Variants in CEP83 observed in about 807,000 individuals in gnomAD.
CEP83 encodes centrosomal protein of 83 kDa.
CEP83 carries 70 observed loss-of-function variants against 101.9 expected under a neutral mutation model. The observed-to-expected ratio is 0.69, with a 90% CI of 0.57 to 0.84. The LOEUF (loss-of-function observed/expected upper bound fraction) is 0.84. Ranked by LOEUF, CEP83 falls within the 40% of genes least tolerant of loss-of-function variation. The probability of loss-of-function intolerance (pLI) is 0.00; values close to 1 mark genes in which losing one functional copy is unlikely to be tolerated. For synonymous variants in CEP83, 264 were observed against 267.9 expected (o/e 0.99, Z 0.14); for missense variants, 715 against 787.2 (o/e 0.91, Z 1.10).
At chr12:94,331,217 G>A (rs1260695350) in intron 14 of CEP83, among the ~76,000 whole-genome samples, 5 of 140,914 alleles carry the variant, frequency 3.5e-5, no homozygotes, top group Non-Finnish European at 7.6e-5. Flanking sequence ...CTTGAACCCA[G>A]GGGATGGAGG....
intron 11 of CEP83, among the ~76,000 whole-genome samples, chr12:94,351,578 T>C (rs1376161369): frequency 1.3e-5 from 2 of 152,044 alleles, no homozygotes; most frequent in African/African-American, 4.8e-5. Context: ...ATAGTAGACC[T>C]AAAGGAACAA....
rs146530326 is a variant in CEP83 at position 94,385,308 on chromosome 12, G to A, written c.550-6266C>T. Among the ~76,000 whole-genome samples the A allele has an allele frequency of 7.2e-5, 11 of 152,188 alleles. No homozygotes were observed. The East Asian group carries it at 1.2e-3, about 16-fold the overall frequency. Reference sequence around the variant, plus strand: ...CAGATGTGGCCTCCATTGATAACACGCAGCTGGGTAGTGGTTAAAGTCCTG... The same window carrying A: ...CAGATGTGGCCTCCATTGATAACACACAGCTGGGTAGTGGTTAAAGTCCTG... On this transcript the variant is annotated intron_variant, in intron 6 of 16. Coordinates refer to ENST00000397809, the MANE Select transcript of CEP83 (RefSeq NM_016122.3).
chr12:94,394,094 A>T (rs1042094583), intron 6 of CEP83, among the ~76,000 whole-genome samples: 1 of 152,196 alleles, frequency 6.6e-6, no homozygotes, highest in Non-Finnish European at 1.5e-5. Flanking sequence ...GCTACCAATG[A>T]CTTTCTTCAC....
At chr12:94,370,141 G>C (rs1382451228) in intron 8 of CEP83, 105 bp from the exon 9 acceptor site, 1 of 677,700 alleles carries the variant, frequency 1.5e-6, no homozygotes, top group Non-Finnish European at 2.6e-6. Context: ...TAGTAAAGTA[G>C]AGTCTAAGTA....
chr12:94,400,779 T>C (rs185916173), intron 6 of CEP83, 71 bp downstream of exon 6: 1 of 953,904 alleles, frequency 1.0e-6, no homozygotes, highest in Non-Finnish European at 1.4e-6. Context: ...TTGAAATTTT[T>C]AAAAATATAT....
intron 2 of CEP83, 102 bp from the exon 3 acceptor site, chr12:94,412,693 CTTTTTTTTTTT>C (rs11330562): frequency 1.4e-5 from 3 of 213,900 alleles, no homozygotes; most frequent in Admixed American, 8.1e-5. Flanking sequence ...TTTTTTTTTT[CTTTTTTTTTTT>C]TTTTTGAGAG....
In CEP83 at chr12:94,421,372, T is replaced by A. The variant is rs549834250; in HGVS notation, c.-101-8781A>T. 1.3e-3 allele frequency among the ~76,000 whole-genome samples: 200 copies of A among 152,224 alleles called. 1 individual carries two copies. The Middle Eastern group carries it at 0.017, about 13-fold the overall frequency. ...CTGCAACCAACCTTATAATTCACAA[T>A]TTTTTAAAAAGGGACTTAGAAGGGA... On this transcript the variant is annotated intron_variant, in intron 2 of 16. Transcript: ENST00000397809.
At chr12:94,365,032 T>C (rs1593440234) in intron 11 of CEP83, among the ~76,000 whole-genome samples, 1 of 152,086 alleles carries the variant, frequency 6.6e-6, no homozygotes, top group African/African-American at 2.4e-5. Context: ...AATTTTTGCA[T>C]GGCAAAAAAA....
rs2137119944 is a variant in CEP83 at position 94,375,932 on chromosome 12, T to C, written c.887A>G (p.Asn296Ser). ...SSSEQNTFLINKLHKAEREIN... is the reference protein window; with the variant it reads ...SSSEQNTFLISKLHKAEREIN... ...TTCTCGTTCAGCTTTATGCAATTTA[T>C]TAATTAAAAAGGTATTTTGTTCACT... is the stretch of plus-strand genomic sequence containing the variant. The change falls in exon 8 of 17, where the codon AAT becomes AGT. Residue 296 changes from asparagine to serine, a missense_variant. Coordinates refer to ENST00000397809, the MANE Select transcript of CEP83 (RefSeq NM_016122.3). 3 of 1,533,354 alleles carry C rather than the reference T, an allele frequency of 2.0e-6. No homozygotes were observed. Among genetic ancestry groups the C allele is most frequent in the African/African-American group, 1.4e-5 (1 of 72,930 alleles). The allele number at this position is 1,533,354 out of a possible 1,614,324, so 95.0% of individuals were successfully genotyped here.
At chr12:94,303,709 T>TAA, downstream of CEP83, 1 of 1,181,228 alleles carries the variant, frequency 8.5e-7, no homozygotes, top group Non-Finnish European at 1.1e-6. Flanking sequence ...TTTTTTTTTT[T>TAA]TTTACTCTTT....
intron 11 of CEP83, among the ~76,000 whole-genome samples, chr12:94,346,447 CAAA>C (rs201802151): frequency 2.2e-5 from 2 of 91,370 alleles, no homozygotes. Flanking sequence ...GACGCCGTCT[CAAA>C]AAAAAAAAAA....
At chr12:94,348,557 G>A (rs2060050514) in intron 11 of CEP83, among the ~76,000 whole-genome samples, 1 of 151,854 alleles carries the variant, frequency 6.6e-6, no homozygotes, top group Admixed American at 6.6e-5. Context: ...TACGACTACC[G>A]GCAATGACCA....
At chr12:94,359,476 A>G (rs1212476007) in intron 11 of CEP83, among the ~76,000 whole-genome samples, 1 of 152,224 alleles carries the variant, frequency 6.6e-6, no homozygotes, top group Non-Finnish European at 1.5e-5. Context: ...GAAATACTAA[A>G]GATCATTAGA....
Position 94,368,186 on chromosome 12 carries a change from TTGTC to T in CEP83, c.1060_1063del (p.Asp354MetfsTer15), listed in dbSNP as rs1276979881. The T allele has an allele frequency of 5.0e-6, 8 of 1,612,176 alleles. No individual in the cohort carries two copies. The highest frequency in any genetic ancestry group is 4.0e-5 in the African/African-American group (3 of 74,904). ...TTCAACAGCTGCTTTGAGAATTTCA[TTGTC>T]TGACTGTAATCCTAGTGTTTTTCAA... On this transcript the variant is annotated frameshift_variant, in exon 10 of 17. Coordinates refer to ENST00000397809, the MANE Select transcript of CEP83 (RefSeq NM_016122.3). LOFTEE classifies it high-confidence loss of function.
At chr12:94,369,058 C>G (rs1014000832) in intron 9 of CEP83, 1 of 152,172 alleles carries the variant, frequency 6.6e-6, no homozygotes, top group Non-Finnish European at 1.5e-5. Flanking sequence ...TCAAGCATAG[C>G]TACAGGCCAA....
In CEP83 at chr12:94,314,623, T is replaced by C. The variant is rs116914770; in HGVS notation, c.1708-1606A>G. The stretch of plus-strand genomic sequence containing the variant: ...TCACTCAGTACACCGTTAAGGGTTA[T>C]CTGCATTATTTCCAGTTGGGACTAT... On this transcript the variant is annotated intron_variant, in intron 14 of 16. Coordinates refer to ENST00000397809, the MANE Select transcript of CEP83 (RefSeq NM_016122.3). 7.9e-4 allele frequency among the ~76,000 whole-genome samples: 120 copies of C among 152,346 alleles called. 1 individual carries two copies. In the East Asian group the frequency reaches 0.022, roughly 28 times the overall value.
chr12:94,420,386 G>GAAGAA lies in CEP83; in HGVS notation c.-101-7796_-101-7795insTTCTT, dbSNP rs558413101. Among the ~76,000 whole-genome samples, 573 of 152,206 alleles carry GAAGAA rather than the reference G, an allele frequency of 3.8e-3. 2 individuals carry two copies. Among genetic ancestry groups the GAAGAA allele is most frequent in the African/African-American group, 0.013 (538 of 41,514 alleles). ...ACTGAAACCTAGAAACAAATCCAAT[G>GAAGAA]ACCATCAACAGTTGAAGAAACGAAT... On this transcript the variant is annotated intron_variant, in intron 2 of 16. Coordinates refer to ENST00000397809, the MANE Select transcript of CEP83 (RefSeq NM_016122.3).
At chr12:94,421,177 C>G (rs1266273153) in intron 2 of CEP83, among the ~76,000 whole-genome samples, 4 of 152,030 alleles carry the variant, frequency 2.6e-5, no homozygotes, top group Non-Finnish European at 4.4e-5. Flanking sequence ...GTACTACAGG[C>G]ACATGTCATT....
At chr12:94,376,690 T>TATAC (rs1555235995) in intron 7 of CEP83, among the ~76,000 whole-genome samples, 2,828 of 117,230 alleles carry the variant, frequency 0.024, 41 homozygotes, top group African/African-American at 0.035. Context: ...TATACATATA[T>TATAC]ACACACACAC....
Sources: gnomAD v4.1 joint callset for allele counts (sites outside exome capture counted in the v4.1 genomes callset) on GRCh38, gnomAD v4.1.1 for gene constraint, MANE v1.5 for transcripts, NCBI Gene and HGNC (gene_info 2026-07-23, HGNC 2026-07-21) for gene names.